The following OTOGL variants were observed in gnomAD, a reference collection of about 807,000 sequenced individuals.
OTOGL encodes the protein otogelin like, also known as otogelin-like protein.
OTOGL carries 285 observed loss-of-function variants against 318.5 expected under a neutral mutation model. The observed-to-expected ratio is 0.89, with a 90% CI of 0.81 to 0.99. OTOGL has a LOEUF of 0.99. Among genes scored for constraint, OTOGL ranks in the 50% least tolerant of loss-of-function variants. The pLI is 0.00. For missense variants in OTOGL, 2,899 were observed against 2,845.6 expected (o/e 1.02, Z -0.43); for synonymous variants, 987 against 936.5 (o/e 1.05, Z -0.99).
At position 80,372,069 on chromosome 12, in the gene OTOGL, G is replaced by C; in HGVS notation, c.6781+5G>C. 6.5e-7 allele frequency: 1 copy of C among 1,540,874 alleles called. No homozygotes were observed. The highest frequency in any genetic ancestry group is 1.2e-5 in the South Asian group (1 of 80,004). ...ATGAAGGCTGTTGCAAGATCTGTAA[G>C]TGAGAGCATATTCCATGCATTTACT... On this transcript the variant is annotated splice_donor_5th_base_variant and intron_variant, in intron 57 of 58. Transcript: ENST00000547103.
chr12:80,189,656 A>C (rs1875538599), intron 1 of OTOGL, among the ~76,000 whole-genome samples: 1 of 152,204 alleles, frequency 6.6e-6, no homozygotes, highest in Non-Finnish European at 1.5e-5. Context: ...CCCCATACCT[A>C]GAAAGTAGAA....
At chr12:80,311,185 A>G (rs1311435607) in intron 30 of OTOGL, among the ~76,000 whole-genome samples, 2 of 152,198 alleles carry the variant, frequency 1.3e-5, no homozygotes, top group Non-Finnish European at 2.9e-5. Flanking sequence ...CCTTCCTAGC[A>G]TGATTATTTT....
intron 44 of OTOGL, among the ~76,000 whole-genome samples, chr12:80,349,649 T>C (rs1313541802): frequency 1.3e-5 from 2 of 152,188 alleles, no homozygotes; most frequent in Admixed American, 6.5e-5. Context: ...AATATCAATT[T>C]CATTGCATTT....
intron 1 of OTOGL, among the ~76,000 whole-genome samples, chr12:80,101,546 A>C (rs193107026): frequency 6.6e-6 from 1 of 152,276 alleles, no homozygotes. Flanking sequence ...AAGACAAATA[A>C]TTATATGATA....
intron 1 of OTOGL, among the ~76,000 whole-genome samples, chr12:80,196,335 A>C (rs1876065783): frequency 1.3e-5 from 2 of 152,194 alleles, no homozygotes. Flanking sequence ...GACATCTATC[A>C]TTGTTGATGT....
At chr12:80,179,074 G>T (rs1874734124) in intron 1 of OTOGL, among the ~76,000 whole-genome samples, 1 of 152,220 alleles carries the variant, frequency 6.6e-6, no homozygotes, top group East Asian at 1.9e-4. Context: ...GGGGAAAGGA[G>T]ACTGGCTTGG....
chr12:80,159,585 T>C (rs1225857555), intron 1 of OTOGL, among the ~76,000 whole-genome samples: 1 of 152,062 alleles, frequency 6.6e-6, no homozygotes, highest in Non-Finnish European at 1.5e-5. Flanking sequence ...AAAACACTGC[T>C]GAAAGAAATC....
chr12:80,202,217 C>T (rs890836473), intron 1 of OTOGL, among the ~76,000 whole-genome samples: 5 of 151,798 alleles, frequency 3.3e-5, no homozygotes, highest in African/African-American at 4.8e-5. Context: ...TGTTCCCGTT[C>T]GGGTTTTCAC....
chr12:80,103,046 G>A (rs1869233551), intron 1 of OTOGL: 7 of 1,070,542 alleles, frequency 6.5e-6, no homozygotes, highest in Admixed American at 3.4e-5. Flanking sequence ...GAATGCCTAT[G>A]TGGACAGTTG....
intron 6 of OTOGL, among the ~76,000 whole-genome samples, chr12:80,220,414 C>T (rs553361592): frequency 1.3e-5 from 2 of 152,242 alleles, no homozygotes; most frequent in East Asian, 3.9e-4. Flanking sequence ...CCATCTTGAC[C>T]TCCCAAAGTG....
intron 1 of OTOGL, among the ~76,000 whole-genome samples, chr12:80,166,552 A>T (rs906117494): frequency 7.2e-5 from 11 of 152,198 alleles, no homozygotes; most frequent in Non-Finnish European, 1.5e-5. Context: ...TTTGATAAAT[A>T]CCTAACTTCT....
At chr12:80,144,568 T>C (rs372739885) in intron 1 of OTOGL, among the ~76,000 whole-genome samples, 9 of 151,110 alleles carry the variant, frequency 6.0e-5, no homozygotes, top group South Asian at 2.1e-4. Context: ...TGGGTATATA[T>C]CCAGTAATGG....
intron 29 of OTOGL, 82 bp downstream of exon 29, chr12:80,305,777 G>A (rs1466838317): frequency 9.1e-7 from 1 of 1,101,904 alleles, no homozygotes. Flanking sequence ...TCTTATTTAG[G>A]TAATATTATT....
At chr12:80,212,916 T>C (rs1454375595) in intron 4 of OTOGL, among the ~76,000 whole-genome samples, 1 of 151,948 alleles carries the variant, frequency 6.6e-6, no homozygotes, top group African/African-American at 2.4e-5. Context: ...ACCTTTTTTT[T>C]GTTCCATTGT....
At chr12:80,376,292 C>A (rs994500) in intron 57 of OTOGL, among the ~76,000 whole-genome samples, 4 of 152,048 alleles carry the variant, frequency 2.6e-5, no homozygotes, top group Admixed American at 2.6e-4. Flanking sequence ...GATTTCATGG[C>A]TAAATGTATT....
intron 4 of OTOGL, among the ~76,000 whole-genome samples, chr12:80,214,289 T>C (rs1877513822): frequency 6.6e-6 from 1 of 152,166 alleles, no homozygotes. Context: ...AAATAAAATA[T>C]GGGGTGCATT....
intron 26 of OTOGL, among the ~76,000 whole-genome samples, chr12:80,293,236 C>A (rs1400503973): frequency 1.3e-5 from 2 of 152,060 alleles, no homozygotes; most frequent in African/African-American, 4.8e-5. Context: ...AAATAAAAAT[C>A]TTTTACTATC....
At chr12:80,191,906 T>C (rs1875723832) in intron 1 of OTOGL, among the ~76,000 whole-genome samples, 3 of 152,248 alleles carry the variant, frequency 2.0e-5, no homozygotes, top group African/African-American at 7.2e-5. Context: ...TATATTTTAT[T>C]GAAATATCAC....
At chr12:80,129,003 C>T (rs751572270) in intron 1 of OTOGL, among the ~76,000 whole-genome samples, 38 of 152,282 alleles carry the variant, frequency 2.5e-4, no homozygotes, top group Non-Finnish European at 4.4e-4. Context: ...GAGGTGATGC[C>T]TCGCCCTGCT....
Sources: allele counts gnomAD v4.1 joint callset (sites outside exome capture counted in the v4.1 genomes callset), GRCh38; gene constraint gnomAD v4.1.1; transcripts MANE v1.5; gene names NCBI Gene and HGNC (gene_info 2026-07-23, HGNC 2026-07-21).